Variants in TLE1 observed in about 807,000 individuals in gnomAD.
TLE1 encodes transducin-like enhancer protein 1.
A neutral mutation model predicts 89.8 loss-of-function variants in TLE1; 21 were observed. The observed-to-expected ratio is 0.23, with a 90% CI of 0.17 to 0.34. TLE1 has a LOEUF of 0.34. Among genes scored for constraint, TLE1 ranks in the 10% least tolerant of loss-of-function variants. The probability of loss-of-function intolerance (pLI) is 1.00; values close to 1 mark genes in which losing one functional copy is unlikely to be tolerated. For synonymous variants in TLE1, 447 were observed against 407.6 expected, an observed-to-expected ratio of 1.10 and a Z score of -1.16; for missense variants, 795 against 1,031.2, an observed-to-expected ratio of 0.77 and a Z score of 3.14.
rs530891112 is a variant in TLE1, at chr9:81,662,609, A to G, written c.235-8573T>C. On this transcript the variant is annotated intron_variant, in intron 4 of 19. Coordinates refer to ENST00000376499, the MANE Select transcript of TLE1 (RefSeq NM_005077.5). ...GCTACTTGAGGAGCTGAGGTGGTAG[A>G]ATAGCTTGAACCCATGAGGCAGAGG... is the stretch of plus-strand genomic sequence containing the variant. 4.6e-5 allele frequency among the ~76,000 whole-genome samples: 7 copies of G among 151,836 alleles called. No homozygotes were observed. The South Asian group carries it at 1.5e-3, about 32-fold the overall frequency.
intron 4 of TLE1, among the ~76,000 whole-genome samples, chr9:81,675,708 G>GTTTTTTTTTTTTTTTTTTTTTTTTTTTTT (rs61458315): frequency 7.6e-6 from 1 of 132,438 alleles, no homozygotes; most frequent in African/African-American, 3.0e-5. Context: ...GTTTTTTTTT[G>GTTTTTTTTTTTTTTTTTTTTTTTTTTTTT]TTTTTTTTTT....
chr9:81,645,054 C>G (rs1181815004), intron 6 of TLE1, among the ~76,000 whole-genome samples: 2 of 139,218 alleles, frequency 1.4e-5, no homozygotes, highest in Admixed American at 7.4e-5. Context: ...TATCATATCT[C>G]AATTTTAAAA....
chr9:81,608,191 G>A (rs1831936314), intron 14 of TLE1, among the ~76,000 whole-genome samples: 1 of 151,250 alleles, frequency 6.6e-6, no homozygotes, highest in Non-Finnish European at 1.5e-5. Flanking sequence ...GGAGGACTGT[G>A]TGAAGCCAGG....
At chr9:81,586,552 C>T (rs1828488539) in intron 17 of TLE1, among the ~76,000 whole-genome samples, 1 of 152,152 alleles carries the variant, frequency 6.6e-6, no homozygotes. Context: ...TGCGGTCTGT[C>T]CTTGGCTAAA....
Position 81,687,419 on chromosome 9 carries a change from C to G in TLE1, c.40G>C (p.Ala14Pro). ...QSRHPTPHQA[A>P]GQPFKFTIPE... ...ATAGTGAACTTGAAGGGCTGGCCTGCAGCCTGGTGCGGCGTCTGGGGGCGA... is the reference window on the plus strand; with the variant it reads ...ATAGTGAACTTGAAGGGCTGGCCTGGAGCCTGGTGCGGCGTCTGGGGGCGA... Residue 14 changes from alanine (A) to proline (P), a missense_variant, in exon 2 of 20, where the codon GCA becomes CCA. Ala to Pro is a conservative substitution (Grantham distance 27). Around this residue, in one of 4 missense-constraint regions of TLE1, gnomAD observed 47 missense variants for 48.5 expected, o/e 0.97. Coordinates refer to ENST00000376499, the MANE Select transcript of TLE1 (RefSeq NM_005077.5). The G allele has an allele frequency of 6.2e-7, 1 of 1,610,412 alleles. No homozygotes were observed. Among genetic ancestry groups the G allele is most frequent in the Non-Finnish European group, 8.5e-7 (1 of 1,178,806 alleles).
chr9:81,602,287 G>A (rs1423963130), intron 14 of TLE1, among the ~76,000 whole-genome samples: 1 of 152,080 alleles, frequency 6.6e-6, no homozygotes, highest in Non-Finnish European at 1.5e-5. Flanking sequence ...TTACCAGCGG[G>A]GCCTTGAAGG....
chr9:81,585,639 T>C lies in TLE1; in HGVS notation c.1994A>G (p.Tyr665Cys). 6.2e-7 allele frequency: 1 copy of C among 1,613,954 alleles called. No individual in the cohort carries two copies. The highest frequency in any genetic ancestry group is 8.5e-7 in the Non-Finnish European group (1 of 1,179,990). ...DFTSQIFSLGYCPTGEWLAVG... is the reference protein window; with the variant it reads ...DFTSQIFSLGCCPTGEWLAVG... ...TGCCAGCCACTCCCCGGTGGGGCAG[T>C]ACCCCAGGGAGAAGATCTACAAGGA... The change falls in exon 18 of 20, where the codon TAC becomes TGC. Residue 665 changes from tyrosine to cysteine, a missense_variant. Transcript: ENST00000376499.
rs571543956 is a variant in TLE1, at chr9:81,682,303, A to G, written c.234+3373T>C. ...CAGCACAGACAACCCTGGAGGAGGC[A>G]ACCCAACTCAAGCTTCAATAGATGC... On this transcript the variant is annotated intron_variant, in intron 4 of 19. Coordinates refer to ENST00000376499, the MANE Select transcript of TLE1 (RefSeq NM_005077.5). Among the ~76,000 whole-genome samples, 14 of 151,450 alleles carry G rather than the reference A, an allele frequency of 9.2e-5. No homozygotes were observed. The South Asian group carries it at 2.7e-3, about 29-fold the overall frequency.
intron 14 of TLE1, among the ~76,000 whole-genome samples, chr9:81,605,763 A>G (rs1394018167): frequency 6.6e-6 from 1 of 152,106 alleles, no homozygotes; most frequent in Admixed American, 6.5e-5. Flanking sequence ...GCCAAAATAG[A>G]CAAATGGGAT....
chr9:81,661,381 T>C (rs1339811890), intron 4 of TLE1, among the ~76,000 whole-genome samples: 1 of 151,912 alleles, frequency 6.6e-6, no homozygotes, highest in African/African-American at 2.4e-5. Flanking sequence ...CATACAGTAG[T>C]GCATAATGAG....
intron 4 of TLE1, among the ~76,000 whole-genome samples, chr9:81,655,105 C>T (rs1488538481): frequency 6.6e-6 from 1 of 152,072 alleles, no homozygotes; most frequent in Non-Finnish European, 1.5e-5. Flanking sequence ...GTGGCTCGCG[C>T]CTGTAATCCC....
chr9:81,656,589 G>C (rs1262575941), intron 4 of TLE1, among the ~76,000 whole-genome samples: 4 of 152,108 alleles, frequency 2.6e-5, no homozygotes, highest in African/African-American at 9.7e-5. Flanking sequence ...CATCATTCCA[G>C]GTTCTCACTT....
chr9:81,599,145 A>G (rs1345107552), intron 14 of TLE1, among the ~76,000 whole-genome samples: 1 of 152,324 alleles, frequency 6.6e-6, no homozygotes, highest in Non-Finnish European at 1.5e-5. Flanking sequence ...ATGAAGCGCA[A>G]TATAGTCAAC....
chr9:81,600,735 C>T (rs1047795469), intron 14 of TLE1, among the ~76,000 whole-genome samples: 5 of 151,660 alleles, frequency 3.3e-5, no homozygotes, highest in South Asian at 2.1e-4. Context: ...AAAACTATTT[C>T]TAGGTGTGCC....
chr9:81,661,663 AC>A (rs1830811598), intron 4 of TLE1, among the ~76,000 whole-genome samples: 1 of 152,218 alleles, frequency 6.6e-6, no homozygotes, highest in Non-Finnish European at 1.5e-5. Flanking sequence ...ATGGGCAAGA[AC>A]ATGAAAACAA....
intron 14 of TLE1, among the ~76,000 whole-genome samples, chr9:81,605,865 A>C (rs1391977639): frequency 1.3e-5 from 2 of 152,062 alleles, no homozygotes; most frequent in Non-Finnish European, 1.5e-5. Flanking sequence ...AAATTTTTGC[A>C]ATCTACCCAT....
Position 81,601,601 on chromosome 9 carries a change from G to GA in TLE1, c.1332-8328dup, listed in dbSNP as rs199834935. ...GGAGAACAGCAGTGCTACAGTGCCA[G>GA]AAAAAAAAAAAAAAAGTCTAACTAA... On this transcript the variant is annotated intron_variant, in intron 14 of 19. Coordinates refer to ENST00000376499, the MANE Select transcript of TLE1 (RefSeq NM_005077.5). Among the ~76,000 whole-genome samples the GA allele has an allele frequency of 8.5e-3, 987 of 115,912 alleles. 1 individual carries two copies. The highest frequency in any genetic ancestry group is 0.021 in the African/African-American group (664 of 31,338). The allele number at this position is 115,912 out of a possible 152,430, so 76.0% of individuals were successfully genotyped here. A position where few individuals can be genotyped will look rare whatever the true frequency, so the allele number is the denominator to read the frequency against.
chr9:81,649,459 C>CA (rs944890591), intron 6 of TLE1, among the ~76,000 whole-genome samples: 26 of 152,288 alleles, frequency 1.7e-4, no homozygotes, highest in African/African-American at 6.0e-4. Flanking sequence ...TTAGCCCTGT[C>CA]AAGCAAGCAG....
intron 8 of TLE1, among the ~76,000 whole-genome samples, chr9:81,625,251 C>T (rs1309720177): frequency 1.3e-5 from 2 of 152,180 alleles, no homozygotes; most frequent in South Asian, 2.1e-4. Flanking sequence ...AAGCAAATTG[C>T]TATTTATTAA....
Sources: allele counts gnomAD v4.1 joint callset (sites outside exome capture counted in the v4.1 genomes callset), GRCh38; gene constraint gnomAD v4.1.1; regional missense constraint gnomAD v4.1.1; transcripts MANE v1.5; gene names NCBI Gene and HGNC (gene_info 2026-07-23, HGNC 2026-07-21).